The following PROX1 variants were observed in gnomAD, a reference collection of about 807,000 sequenced individuals.
PROX1 encodes prospero homeobox 1, also known as prospero homeobox protein 1.
Under a neutral mutation model 58.8 loss-of-function variants are expected in PROX1, and 7 were observed. That is an observed-to-expected ratio of 0.12 (90% CI 0.07 to 0.22). PROX1 has a LOEUF of 0.22. Ranked by LOEUF, PROX1 falls within the 10% of genes least tolerant of loss-of-function variation. PROX1 has a pLI of 1.00. For missense variants in PROX1, 675 were observed against 927.8 expected, an observed-to-expected ratio of 0.73 and a Z score of 3.54; for synonymous variants, 350 against 358.3, an observed-to-expected ratio of 0.98 and a Z score of 0.26.
At chr1:214,011,159 C>T (rs1223160669) in intron 3 of PROX1, among the ~76,000 whole-genome samples, 3 of 151,974 alleles carry the variant, frequency 2.0e-5, no homozygotes, top group African/African-American at 7.3e-5. Context: ...ACAACACTTC[C>T]AGGATTCTAT....
chr1:214,038,754 A>G lies in PROX1; in HGVS notation c.*2920A>G, dbSNP rs778826891. On this transcript the variant is annotated 3_prime_UTR_variant, in exon 5 of 5. Transcript: ENST00000366958. ...CATCTTTTTGACTTTATTTCCAATTACTACAGCTGCAATAAACACTAGATT... is the reference window on the plus strand; with the variant it reads ...CATCTTTTTGACTTTATTTCCAATTGCTACAGCTGCAATAAACACTAGATT... 7 of 152,180 alleles carry G rather than the reference A, an allele frequency of 4.6e-5. No homozygotes were observed. The highest frequency in any genetic ancestry group is 8.8e-5 in the Non-Finnish European group (6 of 68,032). The allele number at this position is 152,180 out of a possible 1,614,324, so 9.4% of individuals were successfully genotyped here. A position where few individuals can be genotyped will look rare whatever the true frequency, so the allele number is the denominator to read the frequency against.
chr1:213,996,761 A>G lies in PROX1; in HGVS notation c.226A>G (p.Arg76Gly). 1 of 1,614,238 alleles carries G rather than the reference A, an allele frequency of 6.2e-7. No individual in the cohort carries two copies. The highest frequency in any genetic ancestry group is 1.1e-5 in the South Asian group (1 of 91,088). Reference sequence around the variant, plus strand: ...AAATGTACTCCGCAAGCTGCTGAAGAGGGCGAACTCGTATGAAGATGCCAT... The same window carrying G: ...AAATGTACTCCGCAAGCTGCTGAAGGGGGCGAACTCGTATGAAGATGCCAT... ...KSNVLRKLLK[R>G]ANSYEDAMMP... The change falls in exon 2 of 5, where the codon AGG becomes GGG. Residue 76 changes from arginine (R) to glycine (G), a missense_variant. Coordinates refer to ENST00000366958, the MANE Select transcript of PROX1 (RefSeq NM_001270616.2).
At chr1:214,015,823 C>T (rs900713960) in intron 4 of PROX1, among the ~76,000 whole-genome samples, 1 of 152,120 alleles carries the variant, frequency 6.6e-6, no homozygotes, top group African/African-American at 2.4e-5. Flanking sequence ...TCCAGGGTAC[C>T]GGGAGGTAGT....
rs1043119949 is a variant in PROX1, at chr1:214,037,404, C to A, written c.*1570C>A. ...ACATAAATGCCATTTTTTAATTCAACTTTAATAAGAATTACATTTGACTTT... is the reference window on the plus strand; with the variant it reads ...ACATAAATGCCATTTTTTAATTCAAATTTAATAAGAATTACATTTGACTTT... On this transcript the variant is annotated 3_prime_UTR_variant, in exon 5 of 5. Transcript: ENST00000366958. 1 of 152,122 alleles carries A rather than the reference C, an allele frequency of 6.6e-6. No homozygotes were observed. The highest frequency in any genetic ancestry group is 2.4e-5 in the African/African-American group (1 of 41,416). 9.4% of individuals were successfully genotyped at this position (152,122 alleles called of 1,614,324 possible). A position where few individuals can be genotyped will look rare whatever the true frequency, so the allele number is the denominator to read the frequency against.
At position 214,036,369 on chromosome 1, in the gene PROX1, A is replaced by G. The variant is rs1294511301; in HGVS notation, c.*535A>G. ...CCTTACATGTTTAAAAATAATTCCA[A>G]TGACAGATGAGCAGCTCACTTTTCC... On this transcript the variant is annotated 3_prime_UTR_variant, in exon 5 of 5. Transcript: ENST00000366958. 6.6e-6 allele frequency: 1 copy of G among 152,180 alleles called. No homozygotes were observed. The highest frequency in any genetic ancestry group is 1.5e-5 in the Non-Finnish European group (1 of 68,042). 9.4% of individuals were successfully genotyped at this position (152,180 alleles called of 1,614,324 possible).
chr1:214,020,600 T>TAATA (rs1664247223), intron 4 of PROX1, among the ~76,000 whole-genome samples: 1 of 152,252 alleles, frequency 6.6e-6, no homozygotes, highest in African/African-American at 2.4e-5. Context: ...TTTTAGAGCT[T>TAATA]AATATCTTGG....
At chr1:213,998,304 G>C (rs200972347) in intron 2 of PROX1, 44 bp downstream of exon 2, 107 of 1,511,526 alleles carry the variant, frequency 7.1e-5, no homozygotes, top group Non-Finnish European at 1.9e-5. Context: ...AACCAAAAAA[G>C]GTTTCCCAAA....
rs1390178035 is a variant in PROX1 at position 213,998,270 on chromosome 1, T to C, written c.1725+10T>C. The stretch of plus-strand genomic sequence containing the variant: ...TTATTCGGGAAGTGCAATATCCTTT[T>C]ATTTTCCCCTCGAGGAAAAAACAAA... On this transcript the variant is annotated intron_variant, in intron 2 of 4. Transcript: ENST00000366958. 1 of 1,524,786 alleles carries C rather than the reference T, an allele frequency of 6.6e-7. No homozygotes were observed. The highest frequency in any genetic ancestry group is 8.8e-7 in the Non-Finnish European group (1 of 1,136,730). The allele number at this position is 1,524,786 out of a possible 1,614,324, so 94.5% of individuals were successfully genotyped here. A position where few individuals can be genotyped will look rare whatever the true frequency, so the allele number is the denominator to read the frequency against.
At chr1:213,998,552 A>G (rs557352995) in intron 2 of PROX1, among the ~76,000 whole-genome samples, 1 of 152,190 alleles carries the variant, frequency 6.6e-6, no homozygotes, top group Non-Finnish European at 1.5e-5. Flanking sequence ...TTCTTCCTGC[A>G]TTATCTTCTT....
intron 4 of PROX1, among the ~76,000 whole-genome samples, chr1:214,014,787 CTT>C (rs1449892948): frequency 6.6e-6 from 1 of 152,194 alleles, no homozygotes; most frequent in Non-Finnish European, 1.5e-5. Flanking sequence ...TCCTCTACCC[CTT>C]GTCTTCTCTC....
intron 4 of PROX1, among the ~76,000 whole-genome samples, chr1:214,016,533 C>T (rs1312395013): frequency 3.3e-5 from 5 of 152,210 alleles, no homozygotes; most frequent in Non-Finnish European, 7.3e-5. Flanking sequence ...ATAACACACT[C>T]TTGGTGGGTG....
intron 4 of PROX1, among the ~76,000 whole-genome samples, chr1:214,022,778 T>G (rs1664326467): frequency 6.6e-6 from 1 of 152,090 alleles, no homozygotes; most frequent in Non-Finnish European, 1.5e-5. Flanking sequence ...GACTCTAGAG[T>G]AGAGGGGCAG....
upstream of PROX1, chr1:213,985,274 G>T (rs1662796697): frequency 6.6e-6 from 1 of 152,206 alleles, no homozygotes; most frequent in African/African-American, 2.4e-5. Context: ...AAACAAAGCG[G>T]GAGTCGCCCG....
At position 213,997,766 on chromosome 1, in the gene PROX1, T is replaced by A. The variant is rs956210883; in HGVS notation, c.1231T>A (p.Cys411Ser). 1 of 1,614,204 alleles carries A rather than the reference T, an allele frequency of 6.2e-7. No homozygotes were observed. Among genetic ancestry groups the A allele is most frequent in the African/African-American group, 1.3e-5 (1 of 75,050 alleles). ...NFHTANQRLQ[C>S]FGDVIIPNPL... ...CCACACCGCCAACCAGCGCCTGCAG[T>A]GCTTTGGCGACGTCATCATTCCGAA... The change falls in exon 2 of 5, where the codon TGC becomes AGC. Residue 411 changes from cysteine to serine, a missense_variant. By Grantham distance (112) the Cys-to-Ser change is moderately radical. Around this residue, in one of 8 missense-constraint regions of PROX1, gnomAD observed 403 missense variants for 477.4 expected, o/e 0.84. Coordinates refer to ENST00000366958, the MANE Select transcript of PROX1 (RefSeq NM_001270616.2). This position sits in a 1 kb window ranked among gnomAD's most constrained non-coding sequence, Gnocchi z 7.1.
At chr1:213,984,045 G>A (rs1229208852), upstream of PROX1, 2 of 152,252 alleles carry the variant, frequency 1.3e-5, no homozygotes, top group Admixed American at 6.5e-5. Context: ...TGGAAAGTTC[G>A]GTGCCTGAGG....
At chr1:213,994,932 T>C (rs1218185291) in intron 1 of PROX1, among the ~76,000 whole-genome samples, 1 of 151,698 alleles carries the variant, frequency 6.6e-6, no homozygotes, top group Non-Finnish European at 1.5e-5. Context: ...TACATATTGT[T>C]GCCATCTAAG....
intron 4 of PROX1, among the ~76,000 whole-genome samples, chr1:214,016,758 G>A (rs975613173): frequency 1.3e-5 from 2 of 152,138 alleles, no homozygotes; most frequent in African/African-American, 4.8e-5. Flanking sequence ...AGGGCTAGGG[G>A]GTGGAGTGGA....
intron 4 of PROX1, among the ~76,000 whole-genome samples, chr1:214,028,138 A>G (rs1664522395): frequency 6.6e-6 from 1 of 152,170 alleles, no homozygotes; most frequent in African/African-American, 2.4e-5. Flanking sequence ...TCCTAAGCCC[A>G]GATGTTGCTG....
At chr1:214,017,089 C>T (rs916063238) in intron 4 of PROX1, among the ~76,000 whole-genome samples, 1 of 152,034 alleles carries the variant, frequency 6.6e-6, no homozygotes, top group East Asian at 1.9e-4. Flanking sequence ...GCATTTTCTA[C>T]AGTGGCTATA....
Sources: gnomAD v4.1 joint callset for allele counts (sites outside exome capture counted in the v4.1 genomes callset) on GRCh38, gnomAD v4.1.1 for gene constraint, gnomAD v4.1.1 regional missense constraint, Gnocchi (gnomAD v3.1) non-coding constraint, MANE v1.5 for transcripts, NCBI Gene and HGNC (gene_info 2026-07-23, HGNC 2026-07-21) for gene names.